MCTP2: variants seen among roughly 807,000 people sequenced by gnomAD.
The protein encoded by MCTP2 is multiple C2 and transmembrane domain-containing protein 2.
A neutral mutation model predicts 111.6 loss-of-function variants in MCTP2; 132 were observed. That is an observed-to-expected ratio of 1.18 (90% CI 1.03 to 1.37). The LOEUF (loss-of-function observed/expected upper bound fraction) is 1.37. Ranked by LOEUF, MCTP2 falls within the 40% of genes most tolerant of loss-of-function variation. The probability of loss-of-function intolerance (pLI) is 0.00; values close to 1 mark genes in which losing one functional copy is unlikely to be tolerated. For synonymous variants in MCTP2, 395 were observed against 387.7 expected (o/e 1.02, Z -0.22); for missense variants, 1,183 against 1,067.9 (o/e 1.11, Z -1.50).
intron 1 of MCTP2, among the ~76,000 whole-genome samples, chr15:94,285,663 G>T (rs8032319): frequency 0.16 from 24,967 of 152,160 alleles, 2,519 homozygotes; most frequent in South Asian, 0.22. Flanking sequence ...ATGTGTAAGT[G>T]TCTGAATGTT....
intron 1 of MCTP2, among the ~76,000 whole-genome samples, chr15:94,255,348 C>T (rs374103773): frequency 6.4e-4 from 98 of 152,160 alleles, no homozygotes; most frequent in African/African-American, 2.2e-3. Context: ...CTTTAGTTTT[C>T]GTAGTGTTTC....
At position 94,479,047 on chromosome 15, in the gene MCTP2, CT is replaced by C; in HGVS notation, c.*16del. 1 of 1,613,598 alleles carries C rather than the reference CT, an allele frequency of 6.2e-7. No homozygotes were observed. Among genetic ancestry groups the C allele is most frequent in the Non-Finnish European group, 8.5e-7 (1 of 1,179,618 alleles). ...CAGCGCTCTCTAGGGCACACACCGA[CT>C]TTGGACAGCAGCACCCAATATTGTG... On this transcript the variant is annotated 3_prime_UTR_variant, in exon 23 of 23. Coordinates refer to ENST00000357742, the MANE Select transcript of MCTP2 (RefSeq NM_001385001.1).
chr15:94,344,305 C>T (rs7179169), intron 7 of MCTP2, among the ~76,000 whole-genome samples: 22,132 of 151,116 alleles, frequency 0.15, 1 homozygote, highest in Admixed American at 0.19. Flanking sequence ...CAAAGTGGAT[C>T]GGTCATTTAC....
intron 19 of MCTP2, among the ~76,000 whole-genome samples, chr15:94,452,541 C>A: frequency 6.6e-6 from 1 of 152,262 alleles, no homozygotes; most frequent in East Asian, 1.9e-4. Flanking sequence ...TACTATAAAC[C>A]TGATAAACTA....
At chr15:94,459,696 G>A (rs986783199) in intron 20 of MCTP2, among the ~76,000 whole-genome samples, 13 of 152,154 alleles carry the variant, frequency 8.5e-5, no homozygotes, top group African/African-American at 2.9e-4. Flanking sequence ...GTAAAATGAG[G>A]AGGGCATCAT....
At chr15:94,465,123 A>G (rs1372161179) in intron 20 of MCTP2, among the ~76,000 whole-genome samples, 1 of 152,082 alleles carries the variant, frequency 6.6e-6, no homozygotes, top group Non-Finnish European at 1.5e-5. Context: ...TTGAAGCTAC[A>G]TTATTTGGTT....
chr15:94,348,796 A>G (rs999753570), intron 8 of MCTP2, among the ~76,000 whole-genome samples: 2 of 151,782 alleles, frequency 1.3e-5, no homozygotes, highest in African/African-American at 4.8e-5. Flanking sequence ...AAATTAATAC[A>G]GTTTTTTTTG....
intron 8 of MCTP2, among the ~76,000 whole-genome samples, chr15:94,350,268 A>G (rs2078232320): frequency 6.6e-6 from 1 of 152,178 alleles, no homozygotes; most frequent in Non-Finnish European, 1.5e-5. Context: ...GTGAGGCAAG[A>G]GAGGTGCTCT....
chr15:94,444,001 A>AC (rs1400554994), intron 19 of MCTP2, among the ~76,000 whole-genome samples: 1 of 149,996 alleles, frequency 6.7e-6, no homozygotes. Flanking sequence ...AAAAAAAAAA[A>AC]AAAAACAGAA....
chr15:94,303,600 C>T (rs2075747031), intron 2 of MCTP2, among the ~76,000 whole-genome samples: 1 of 152,188 alleles, frequency 6.6e-6, no homozygotes, highest in Non-Finnish European at 1.5e-5. Context: ...TCTCATGAGA[C>T]CCATTCACTG....
At chr15:94,441,182 A>C (rs898326958) in intron 18 of MCTP2, among the ~76,000 whole-genome samples, 1 of 152,174 alleles carries the variant, frequency 6.6e-6, no homozygotes, top group Admixed American at 6.5e-5. Flanking sequence ...TAATGGATTT[A>C]AGGGAGGTTT....
chr15:94,383,146 A>G (rs550213137), intron 12 of MCTP2, among the ~76,000 whole-genome samples: 1 of 152,288 alleles, frequency 6.6e-6, no homozygotes, highest in East Asian at 1.9e-4. Flanking sequence ...GTATTCTCAT[A>G]ACGTACTGAG....
chr15:94,402,352 A>T, intron 17 of MCTP2: 1 of 1,455,246 alleles, frequency 6.9e-7, no homozygotes, highest in African/African-American at 1.4e-5. Context: ...CTGAAAAATC[A>T]CAGGACTAAA....
intron 12 of MCTP2, among the ~76,000 whole-genome samples, chr15:94,378,293 G>A (rs1452512788): frequency 6.6e-6 from 1 of 152,022 alleles, no homozygotes; most frequent in African/African-American, 2.4e-5. Flanking sequence ...AGGACAAGGA[G>A]GGAGGATTGC....
In MCTP2 at chr15:94,243,032, C is replaced by CAT. The variant is rs1466492196; in HGVS notation, c.-66+11370_-66+11371dup. Among the ~76,000 whole-genome samples, 17 of 48,240 alleles carry CAT rather than the reference C, an allele frequency of 3.5e-4. 3 individuals carry two copies. Among genetic ancestry groups the CAT allele is most frequent in the African/African-American group, 1.5e-3 (16 of 10,450 alleles). 31.6% of individuals were successfully genotyped at this position (48,240 alleles called of 152,430 possible). A position where few individuals can be genotyped will look rare whatever the true frequency, so the allele number is the denominator to read the frequency against. On this transcript the variant is annotated intron_variant, in intron 1 of 22. Coordinates refer to ENST00000357742, the MANE Select transcript of MCTP2 (RefSeq NM_001385001.1). ...ATACACGTGTATATGTGTATCTACA[C>CAT]ATACACGTGTATATGTGTATCTACA...
intron 9 of MCTP2, 124 bp downstream of exon 9, chr15:94,356,425 A>G (rs1021988397): frequency 1.2e-6 from 1 of 826,534 alleles, no homozygotes; most frequent in African/African-American, 1.8e-5. Context: ...TAACTATATT[A>G]AAGAGCAGAA....
intron 7 of MCTP2, chr15:94,342,652 G>T (rs915495630): frequency 6.7e-6 from 1 of 149,816 alleles, no homozygotes; most frequent in African/African-American, 2.5e-5. Flanking sequence ...CCATATATAC[G>T]CATATTTATC....
At chr15:94,318,857 C>T (rs142607306) in intron 4 of MCTP2, among the ~76,000 whole-genome samples, 1 of 152,256 alleles carries the variant, frequency 6.6e-6, no homozygotes, top group East Asian at 1.9e-4. Flanking sequence ...TGCTCTAACC[C>T]CAGCCATTGT....
chr15:94,459,807 A>G (rs1204895229), intron 20 of MCTP2, among the ~76,000 whole-genome samples: 1 of 152,212 alleles, frequency 6.6e-6, no homozygotes, highest in Non-Finnish European at 1.5e-5. Context: ...CATAATTACA[A>G]TAATGATAGC....
Sources: gnomAD v4.1 joint callset for allele counts (sites outside exome capture counted in the v4.1 genomes callset) on GRCh38, gnomAD v4.1.1 for gene constraint, MANE v1.5 for transcripts, NCBI Gene and HGNC (gene_info 2026-07-23, HGNC 2026-07-21) for gene names.